Variants in WWOX observed in about 807,000 individuals in gnomAD.
WWOX encodes the protein WW domain containing oxidoreductase.
In WWOX, 69 loss-of-function variants were observed where a neutral mutation model predicts 46.2. The observed-to-expected ratio is 1.49, with a 90% CI of 1.23 to 1.82. The LOEUF is 1.82. WWOX is among the 40% of genes most tolerant of loss of function. WWOX has a pLI of 0.00. For missense variants in WWOX, 919 were observed against 542.6 expected (o/e 1.69, Z -6.89); for synonymous variants, 359 against 202.6 (o/e 1.77, Z -6.56).
intron 8 of WWOX, among the ~76,000 whole-genome samples, chr16:78,940,168 G>C (rs1162129900): frequency 2.0e-5 from 3 of 152,132 alleles, no homozygotes; most frequent in African/African-American, 4.8e-5. Context: ...AATGTATGCA[G>C]ATTCTTAAAG....
intron 8 of WWOX, among the ~76,000 whole-genome samples, chr16:79,019,287 A>C (rs373529847): frequency 3.3e-5 from 5 of 151,490 alleles, no homozygotes; most frequent in African/African-American, 1.2e-4. Flanking sequence ...TCATTGTGGA[A>C]CATCATGGAG....
intron 4 of WWOX, among the ~76,000 whole-genome samples, chr16:78,128,001 G>A (rs1212662763): frequency 6.6e-6 from 1 of 152,126 alleles, no homozygotes; most frequent in Non-Finnish European, 1.5e-5. Context: ...TACAGATCAA[G>A]TAAAACAATG....
chr16:78,436,177 C>G (rs1393636230), intron 8 of WWOX, among the ~76,000 whole-genome samples: 1 of 152,098 alleles, frequency 6.6e-6, no homozygotes, highest in African/African-American at 2.4e-5. Context: ...TGCCTTGGTC[C>G]CGATGATGAT....
At chr16:78,774,636 C>T (rs1171270029) in intron 8 of WWOX, among the ~76,000 whole-genome samples, 6 of 151,874 alleles carry the variant, frequency 4.0e-5, no homozygotes, top group Non-Finnish European at 8.8e-5. Flanking sequence ...TGTTCTTAAC[C>T]ATGAGGTGCT....
At chr16:78,450,634 T>G (rs1367185396) in intron 8 of WWOX, among the ~76,000 whole-genome samples, 3 of 152,244 alleles carry the variant, frequency 2.0e-5, no homozygotes, top group African/African-American at 7.2e-5. Flanking sequence ...TTTTGATATT[T>G]TAATATTTCT....
At chr16:79,027,238 C>G (rs1003776441) in intron 8 of WWOX, among the ~76,000 whole-genome samples, 3 of 145,454 alleles carry the variant, frequency 2.1e-5, no homozygotes, top group African/African-American at 2.6e-5. Context: ...TGTGATCATG[C>G]CACTGCACTT....
At chr16:78,562,781 A>G (rs1253425267) in intron 8 of WWOX, among the ~76,000 whole-genome samples, 2 of 152,216 alleles carry the variant, frequency 1.3e-5, no homozygotes, top group African/African-American at 2.4e-5. Context: ...GACCCTGTCT[A>G]TGGAAGTGCT....
At chr16:78,597,768 A>T (rs200579935) in intron 8 of WWOX, among the ~76,000 whole-genome samples, 3 of 147,252 alleles carry the variant, frequency 2.0e-5, no homozygotes, top group African/African-American at 7.8e-5. Flanking sequence ...GTGTATATAT[A>T]TATATATATA....
intron 8 of WWOX, among the ~76,000 whole-genome samples, chr16:79,172,158 G>A (rs756805002): frequency 1.4e-4 from 21 of 149,634 alleles, no homozygotes; most frequent in African/African-American, 2.6e-4. Context: ...TTAGTTGTAC[G>A]CCCCATGAAC....
At chr16:78,204,022 C>T (rs77356531) in intron 5 of WWOX, among the ~76,000 whole-genome samples, 10,292 of 152,172 alleles carry the variant, frequency 0.068, 606 homozygotes, top group African/African-American at 0.15. Flanking sequence ...TGGCCACTGA[C>T]ACGTTGTCAG....
chr16:78,332,538 T>A (rs1316339875), intron 5 of WWOX, among the ~76,000 whole-genome samples: 15 of 152,176 alleles, frequency 9.9e-5, no homozygotes, highest in Admixed American at 9.8e-4. Context: ...GCTTATTCCA[T>A]TTGCTCAAGA....
At chr16:78,660,439 T>G (rs2047184280) in intron 8 of WWOX, among the ~76,000 whole-genome samples, 1 of 152,130 alleles carries the variant, frequency 6.6e-6, no homozygotes, top group Non-Finnish European at 1.5e-5. Context: ...CAGCTTTCAT[T>G]TTTCAGTTGC....
At chr16:79,042,950 C>G (rs528952604) in intron 8 of WWOX, among the ~76,000 whole-genome samples, 2 of 152,128 alleles carry the variant, frequency 1.3e-5, no homozygotes, top group South Asian at 2.1e-4. Context: ...TATGGATGCC[C>G]TCATTTCTCA....
intron 8 of WWOX, among the ~76,000 whole-genome samples, chr16:79,177,453 G>T (rs755771926): frequency 2.6e-5 from 4 of 152,030 alleles, no homozygotes; most frequent in Non-Finnish European, 5.9e-5. Flanking sequence ...ACCTCTTATG[G>T]TCAGGCTCAT....
At chr16:78,771,013 G>A (rs2050050976) in intron 8 of WWOX, among the ~76,000 whole-genome samples, 1 of 152,226 alleles carries the variant, frequency 6.6e-6, no homozygotes, top group African/African-American at 2.4e-5. Context: ...GGGATTGCTG[G>A]AGGCAGAACA....
chr16:78,606,742 T>TA (rs960180231), intron 8 of WWOX, among the ~76,000 whole-genome samples: 12 of 111,026 alleles, frequency 1.1e-4, no homozygotes, highest in Non-Finnish European at 1.8e-4. Flanking sequence ...TTTTTTTTTT[T>TA]AAATAGGGGA....
intron 8 of WWOX, among the ~76,000 whole-genome samples, chr16:78,618,662 A>G (rs2046090149): frequency 6.6e-6 from 1 of 152,128 alleles, no homozygotes; most frequent in Non-Finnish European, 1.5e-5. Flanking sequence ...ACCTCTTCTC[A>G]ACAGGATCCA....
chr16:78,236,298 G>C (rs1364903665), intron 5 of WWOX, among the ~76,000 whole-genome samples: 5 of 152,220 alleles, frequency 3.3e-5, no homozygotes, highest in Non-Finnish European at 5.9e-5. Context: ...GCAAATGCTA[G>C]TTTCCTGGCC....
chr16:78,457,481 A>G (rs2083846936), intron 8 of WWOX, among the ~76,000 whole-genome samples: 1 of 152,196 alleles, frequency 6.6e-6, no homozygotes, highest in African/African-American at 2.4e-5. Context: ...GGAAATAGAA[A>G]AACTGTTGAT....
Sources: allele counts gnomAD v4.1 joint callset (sites outside exome capture counted in the v4.1 genomes callset), GRCh38; gene constraint gnomAD v4.1.1; transcripts MANE v1.5; gene names NCBI Gene and HGNC (gene_info 2026-07-23, HGNC 2026-07-21).